DCDC2: variants seen among roughly 807,000 people sequenced by gnomAD.
The protein encoded by DCDC2 is doublecortin domain-containing protein 2.
Under a neutral mutation model 50.2 loss-of-function variants are expected in DCDC2, and 40 were observed. The ratio of observed to expected loss-of-function variants is 0.80; its 90% CI spans 0.62 to 1.04. DCDC2 has a LOEUF of 1.04. Among genes scored for constraint, DCDC2 ranks in the 50% least tolerant of loss-of-function variants. The pLI, the probability that DCDC2 is intolerant of heterozygous loss-of-function variation, is 0.00. For missense variants in DCDC2, 570 were observed against 581.9 expected, an observed-to-expected ratio of 0.98 and a Z score of 0.21; for synonymous variants, 234 against 210.6, an observed-to-expected ratio of 1.11 and a Z score of -0.96.
At position 24,174,150 on chromosome 6, in the gene DCDC2, C is replaced by T. The variant is rs1009750013; in HGVS notation, c.*580G>A. ...CACTCTGAACCAATGCTTCCTCCCA[C>T]CAAAATGAACGCCTTGCTCTGTCTT... is the stretch of plus-strand genomic sequence containing the variant. On this transcript the variant is annotated 3_prime_UTR_variant, in exon 10 of 10. Coordinates refer to ENST00000378454, the MANE Select transcript of DCDC2 (RefSeq NM_016356.5). 6.6e-6 allele frequency: 1 copy of T among 152,510 alleles called. No homozygotes were observed. The highest frequency in any genetic ancestry group is 6.5e-5 in the Admixed American group (1 of 15,276). 9.4% of individuals were successfully genotyped at this position (152,510 alleles called of 1,614,324 possible).
intron 4 of DCDC2, among the ~76,000 whole-genome samples, chr6:24,300,919 C>A (rs796956728): frequency 7.9e-5 from 12 of 152,240 alleles, no homozygotes; most frequent in African/African-American, 2.9e-4. Context: ...ATGCTTTTGA[C>A]TTCTTACATT....
upstream of DCDC2, among the ~76,000 whole-genome samples, chr6:24,358,931 T>TA (rs1242272267): frequency 4.8e-5 from 3 of 62,934 alleles, no homozygotes; most frequent in Non-Finnish European, 7.6e-5. Flanking sequence ...TTATATATTA[T>TA]ATATTTTATA....
intron 8 of DCDC2, among the ~76,000 whole-genome samples, chr6:24,185,371 T>C (rs1561881840): frequency 1.3e-5 from 2 of 152,336 alleles, no homozygotes; most frequent in African/African-American, 4.8e-5. Flanking sequence ...AGTTCAACTT[T>C]AAGAAATGCA....
chr6:24,252,928 G>A (rs1256828737), intron 7 of DCDC2, among the ~76,000 whole-genome samples: 1 of 152,034 alleles, frequency 6.6e-6, no homozygotes, highest in Admixed American at 6.6e-5. Context: ...AATTAAGTAA[G>A]GCCATTCTAA....
At chr6:24,373,517 C>CA in the DCDC2 span, among the ~76,000 whole-genome samples, 1 of 152,150 alleles carries the variant, frequency 6.6e-6, no homozygotes, top group Admixed American at 6.5e-5. Flanking sequence ...GTATAAAATT[C>CA]AAATGCCCAC....
chr6:24,325,310 G>C (rs1157006390), intron 2 of DCDC2, among the ~76,000 whole-genome samples: 2 of 149,576 alleles, frequency 1.3e-5, no homozygotes, highest in Non-Finnish European at 3.0e-5. Flanking sequence ...AGGTCCTCTG[G>C]GCGAAAGGAA....
At chr6:24,289,584 G>A (rs1249083335) in intron 5 of DCDC2, among the ~76,000 whole-genome samples, 1 of 152,192 alleles carries the variant, frequency 6.6e-6, no homozygotes, top group Non-Finnish European at 1.5e-5. Flanking sequence ...GATCACAGCA[G>A]GTTAACCTAG....
chr6:24,212,889 A>G (rs1761900988), intron 7 of DCDC2, among the ~76,000 whole-genome samples: 1 of 152,224 alleles, frequency 6.6e-6, no homozygotes, highest in Non-Finnish European at 1.5e-5. Context: ...TTCATAATAA[A>G]TAGGAATCTG....
chr6:24,188,529 C>T (rs1761250175), intron 8 of DCDC2, among the ~76,000 whole-genome samples: 1 of 152,104 alleles, frequency 6.6e-6, no homozygotes, highest in Non-Finnish European at 1.5e-5. Context: ...AGCAATAAAT[C>T]AGAAAGGTTT....
At chr6:24,213,912 G>A (rs1761926903) in intron 7 of DCDC2, among the ~76,000 whole-genome samples, 1 of 152,082 alleles carries the variant, frequency 6.6e-6, no homozygotes, top group East Asian at 1.9e-4. Flanking sequence ...CTAATCAAAT[G>A]AGAGCTAATG....
At chr6:24,298,066 C>G (rs529050340) in intron 4 of DCDC2, among the ~76,000 whole-genome samples, 1 of 152,318 alleles carries the variant, frequency 6.6e-6, no homozygotes, top group African/African-American at 2.4e-5. Context: ...TCTCCACAGA[C>G]GGAGTGGGGG....
At chr6:24,297,742 A>C (rs807707) in intron 4 of DCDC2, among the ~76,000 whole-genome samples, 149,871 of 152,188 alleles carry the variant, frequency 0.98, 73,826 homozygotes, top group Middle Eastern at 1. Context: ...GCCTTTACTT[A>C]TGACACCAAA....
At chr6:24,184,047 C>T (rs1224841109) in intron 8 of DCDC2, among the ~76,000 whole-genome samples, 1 of 152,120 alleles carries the variant, frequency 6.6e-6, no homozygotes, top group Non-Finnish European at 1.5e-5. Flanking sequence ...TTTCTTATAC[C>T]CATTAGACAA....
At chr6:24,374,810 T>C in the DCDC2 span, among the ~76,000 whole-genome samples, 5 of 152,074 alleles carry the variant, frequency 3.3e-5, no homozygotes, top group Non-Finnish European at 7.4e-5. Context: ...AGGAGGCCTG[T>C]GGTTTCAGGG....
intron 7 of DCDC2, among the ~76,000 whole-genome samples, chr6:24,260,981 G>A (rs1297878360): frequency 6.6e-6 from 1 of 152,168 alleles, no homozygotes; most frequent in Non-Finnish European, 1.5e-5. Context: ...AAGAGAAACA[G>A]TCATTGTTCC....
upstream of DCDC2, among the ~76,000 whole-genome samples, chr6:24,361,223 G>T (rs1201676906): frequency 6.6e-6 from 1 of 152,094 alleles, no homozygotes; most frequent in Non-Finnish European, 1.5e-5. Flanking sequence ...GTTAAATGAG[G>T]AGAACTCACG....
At chr6:24,252,872 G>A (rs970910419) in intron 7 of DCDC2, among the ~76,000 whole-genome samples, 1 of 152,088 alleles carries the variant, frequency 6.6e-6, no homozygotes, top group Non-Finnish European at 1.5e-5. Context: ...AATTAAGCTA[G>A]AAATCAACAA....
chr6:24,327,041 G>A (rs1384691357), intron 2 of DCDC2, among the ~76,000 whole-genome samples: 1 of 149,118 alleles, frequency 6.7e-6, no homozygotes, highest in African/African-American at 2.4e-5. Context: ...GCAAATTGGA[G>A]GCAACAAATG....
chr6:24,265,528 A>AC lies in DCDC2; in HGVS notation c.922+12520_922+12521insG, dbSNP rs538184853. On this transcript the variant is annotated intron_variant, in intron 7 of 9. Coordinates refer to ENST00000378454, the MANE Select transcript of DCDC2 (RefSeq NM_016356.5). Reference sequence around the variant, plus strand: ...TATGTTAGATCACAAAACAAGTTTTAAAAAAACTCAAAAAAAATTGAAAAC... The same window carrying AC: ...TATGTTAGATCACAAAACAAGTTTTACAAAAAACTCAAAAAAAATTGAAAAC... Among the ~76,000 whole-genome samples the AC allele has an allele frequency of 2.3e-3, 351 of 150,222 alleles. 4 individuals are homozygous for AC. Among genetic ancestry groups the AC allele is most frequent in the Non-Finnish European group, 4.4e-3 (293 of 66,988 alleles).
Sources: gnomAD v4.1 joint callset for allele counts (sites outside exome capture counted in the v4.1 genomes callset) on GRCh38, gnomAD v4.1.1 for gene constraint, MANE v1.5 for transcripts, NCBI Gene and HGNC (gene_info 2026-07-23, HGNC 2026-07-21) for gene names.